The following MCCC2 variants were observed in gnomAD, a reference collection of about 807,000 sequenced individuals.
MCCC2 encodes methylcrotonyl-CoA carboxylase subunit 2.
Under a neutral mutation model 77.2 loss-of-function variants are expected in MCCC2, and 52 were observed. That is an observed-to-expected ratio of 0.67 (90% CI 0.54 to 0.85). The LOEUF (loss-of-function observed/expected upper bound fraction) is 0.85, where lower values mean the gene tolerates loss of function less well. Ranked by LOEUF, MCCC2 falls within the 40% of genes least tolerant of loss-of-function variation. MCCC2 has a pLI of 0.00. For synonymous variants in MCCC2, 253 were observed against 248.4 expected (o/e 1.02, Z -0.18); for missense variants, 682 against 703.2 (o/e 0.97, Z 0.34).
intron 6 of MCCC2, among the ~76,000 whole-genome samples, chr5:71,618,917 T>C (rs1746272609): frequency 6.6e-6 from 1 of 152,194 alleles, no homozygotes; most frequent in Non-Finnish European, 1.5e-5. Context: ...TCTGGTGCAT[T>C]GGTTCTCTTT....
rs796092932 is a variant in MCCC2 at position 71,614,165 on chromosome 5, T to G, written c.624+9697T>G. On this transcript the variant is annotated intron_variant, in intron 6 of 16. Coordinates refer to ENST00000340941, the MANE Select transcript of MCCC2 (RefSeq NM_022132.5). The stretch of plus-strand genomic sequence containing the variant: ...CCTTCTCATATTTTAATGAACCGTA[T>G]TTTTAAGTTTCCATAGTATCTGTTC... Among the ~76,000 whole-genome samples, 70 of 152,182 alleles carry G rather than the reference T, an allele frequency of 4.6e-4. 1 individual carries two copies. The highest frequency in any genetic ancestry group is 1.7e-3 in the African/African-American group (69 of 41,528).
chr5:71,630,104 C>A (rs1018927910), intron 7 of MCCC2, among the ~76,000 whole-genome samples: 3 of 152,152 alleles, frequency 2.0e-5, no homozygotes, highest in Non-Finnish European at 4.4e-5. Context: ...AACTGGACCC[C>A]ATCCAGCAAT....
At chr5:71,622,280 A>AT (rs1746376663) in intron 6 of MCCC2, among the ~76,000 whole-genome samples, 2 of 151,756 alleles carry the variant, frequency 1.3e-5, no homozygotes, top group South Asian at 4.2e-4. Context: ...TAAAAAAAAA[A>AT]CAAAACAAAA....
In MCCC2 at chr5:71,650,154, A is replaced by G; in HGVS notation, c.1459A>G (p.Lys487Glu). The G allele has an allele frequency of 1.2e-6, 2 of 1,614,192 alleles. No homozygotes were observed. Among genetic ancestry groups the G allele is most frequent in the South Asian group, 2.2e-5 (2 of 91,088 alleles). ...QAANVLATIT[K>E]DQRAREGKQF... ...AGCCAATGTGTTGGCCACGATAACA[A>G]AGGACCAAAGAGCCCGGGAAGGAAA... Residue 487 changes from lysine to glutamate, a missense_variant, in exon 15 of 17, where the codon AAG becomes GAG. By Grantham distance (56) the Lys-to-Glu change is moderately conservative. Transcript: ENST00000340941.
chr5:71,633,121 A>ATTTTTTTT (rs1231509058), intron 8 of MCCC2, among the ~76,000 whole-genome samples: 12 of 29,824 alleles, frequency 4.0e-4, no homozygotes, highest in South Asian at 2.5e-3. Context: ...ATATATATAT[A>ATTTTTTTT]TATATATATA....
chr5:71,613,426 A>G (rs1361907261), intron 6 of MCCC2, among the ~76,000 whole-genome samples: 1 of 152,242 alleles, frequency 6.6e-6, no homozygotes, highest in African/African-American at 2.4e-5. Context: ...CCTGCTTATG[A>G]TAAAAAACTC....
intron 6 of MCCC2, among the ~76,000 whole-genome samples, chr5:71,618,789 G>C (rs1482718914): frequency 7.9e-5 from 12 of 152,170 alleles, no homozygotes; most frequent in Non-Finnish European, 1.8e-4. Flanking sequence ...CTTTTTAAGT[G>C]TGAGACTTAG....
intron 15 of MCCC2, among the ~76,000 whole-genome samples, chr5:71,651,582 G>A (rs934192610): frequency 6.6e-6 from 1 of 152,178 alleles, no homozygotes; most frequent in African/African-American, 2.4e-5. Context: ...GAATCATCAG[G>A]TCTTCCACCT....
chr5:71,650,146 C>T lies in MCCC2; in HGVS notation c.1451C>T (p.Thr484Met), dbSNP rs760951983. 9.9e-6 allele frequency: 16 copies of T among 1,614,000 alleles called. No homozygotes were observed. The highest frequency in any genetic ancestry group is 2.2e-5 in the South Asian group (2 of 91,080). ...GGEQAANVLA[T>M]ITKDQRAREG... ...GAGCAGGCAGCCAATGTGTTGGCCA[C>T]GATAACAAAGGACCAAAGAGCCCGG... The change falls in exon 15 of 17, where the codon ACG becomes ATG. Residue 484 changes from threonine to methionine, a missense_variant. Thr to Met is a moderately conservative substitution (Grantham distance 81). Coordinates refer to ENST00000340941, the MANE Select transcript of MCCC2 (RefSeq NM_022132.5).
chr5:71,633,222 C>T (rs1260063521), intron 8 of MCCC2, among the ~76,000 whole-genome samples: 1 of 150,062 alleles, frequency 6.7e-6, no homozygotes, highest in Non-Finnish European at 1.5e-5. Context: ...CCTTGCCCTT[C>T]CGAAGTGCTG....
chr5:71,604,057 T>A lies in MCCC2; in HGVS notation c.512-299T>A, dbSNP rs535430672. On this transcript the variant is annotated intron_variant, in intron 5 of 16. Coordinates refer to ENST00000340941, the MANE Select transcript of MCCC2 (RefSeq NM_022132.5). ...GAAGAAGGAAAGATACTTTTCCACC[T>A]TAACTCTTTAAGAATTTATGATGTT... is the stretch of plus-strand genomic sequence containing the variant. Among the ~76,000 whole-genome samples the A allele has an allele frequency of 1.3e-3, 195 of 152,254 alleles. 2 individuals are homozygous for A. The highest frequency in any genetic ancestry group is 2.0e-3 in the Non-Finnish European group (135 of 68,038).
At chr5:71,629,253 A>G (rs926442756) in intron 7 of MCCC2, among the ~76,000 whole-genome samples, 1 of 152,192 alleles carries the variant, frequency 6.6e-6, no homozygotes, top group South Asian at 2.1e-4. Context: ...AAATGATTTT[A>G]CTTCTATGAA....
intron 10 of MCCC2, among the ~76,000 whole-genome samples, chr5:71,636,932 C>T (rs1002772740): frequency 4.0e-5 from 6 of 151,642 alleles, no homozygotes; most frequent in African/African-American, 1.2e-4. Flanking sequence ...TTAGTAGAGG[C>T]GGGGTTTCAC....
Position 71,643,804 on chromosome 5 carries a change from G to C in MCCC2, c.1073-15G>C. 1 of 1,614,024 alleles carries C rather than the reference G, an allele frequency of 6.2e-7. No individual in the cohort carries two copies. Among genetic ancestry groups the C allele is most frequent in the Non-Finnish European group, 8.5e-7 (1 of 1,179,992 alleles). On this transcript the variant is annotated splice_polypyrimidine_tract_variant and intron_variant, in intron 11 of 16. Transcript: ENST00000340941. ...AAAGCACAAGACATAAATCTTCTTT[G>C]AACTTTCTTTTGAGGATTTGCTCGA...
intron 12 of MCCC2, among the ~76,000 whole-genome samples, chr5:71,645,646 T>C (rs1747254127): frequency 6.6e-6 from 1 of 152,238 alleles, no homozygotes. Flanking sequence ...TAGAGAATTA[T>C]CATATAGCAG....
intron 7 of MCCC2, among the ~76,000 whole-genome samples, chr5:71,631,523 T>C (rs887044115): frequency 6.7e-5 from 10 of 148,874 alleles, no homozygotes; most frequent in African/African-American, 2.5e-4. Flanking sequence ...GAGGATGGCC[T>C]TTCAGGTCTT....
intron 7 of MCCC2, among the ~76,000 whole-genome samples, chr5:71,627,907 G>T (rs971645740): frequency 6.6e-6 from 1 of 151,926 alleles, no homozygotes. Context: ...GCAGTGGTGT[G>T]ATCTTGGCTC....
chr5:71,601,565 GTGGCGAGCCCTGC>G (rs986631166), intron 4 of MCCC2, among the ~76,000 whole-genome samples: 1 of 152,124 alleles, frequency 6.6e-6, no homozygotes, highest in African/African-American at 2.4e-5. Flanking sequence ...TGTTTGTCTT[GTGGCGAGCCCTGC>G]TGGCCACATA....
chr5:71,634,031 G>A (rs925257138), intron 8 of MCCC2, among the ~76,000 whole-genome samples: 1 of 152,178 alleles, frequency 6.6e-6, no homozygotes, highest in Non-Finnish European at 1.5e-5. Flanking sequence ...TGAGAGCCTA[G>A]CTCTAAGATA....
Sources: allele counts gnomAD v4.1 joint callset (sites outside exome capture counted in the v4.1 genomes callset), GRCh38; gene constraint gnomAD v4.1.1; transcripts MANE v1.5; gene names NCBI Gene and HGNC (gene_info 2026-07-23, HGNC 2026-07-21).